Variants in PHF3 observed in about 807,000 individuals in gnomAD.
The protein encoded by PHF3 is PHD finger protein 3.
Under a neutral mutation model 178.4 loss-of-function variants are expected in PHF3, and 41 were observed. The observed-to-expected ratio is 0.23, with a 90% CI of 0.18 to 0.30. The LOEUF is 0.30. Ranked by LOEUF, PHF3 falls within the 10% of genes least tolerant of loss-of-function variation. The pLI is 1.00. For synonymous variants in PHF3, 842 were observed against 800.5 expected (o/e 1.05, Z -0.88); for missense variants, 2,346 against 2,398.1 (o/e 0.98, Z 0.45).
chr6:63,668,916 C>A (rs1262074024), intron 2 of PHF3, among the ~76,000 whole-genome samples: 2 of 152,076 alleles, frequency 1.3e-5, no homozygotes, highest in African/African-American at 2.4e-5. Context: ...TAATTACAAT[C>A]AATTTCAGTA....
rs1768489467 is a variant in PHF3 at position 63,723,520 on chromosome 6, A to C, written c.*9812A>C. Among the ~76,000 whole-genome samples the C allele has an allele frequency of 6.6e-6, 1 of 152,144 alleles. No homozygotes were observed. Among genetic ancestry groups the C allele is most frequent in the Non-Finnish European group, 1.5e-5 (1 of 68,024 alleles). On this transcript the variant is annotated 3_prime_UTR_variant, in exon 16 of 16. Coordinates refer to ENST00000262043, the MANE Select transcript of PHF3 (RefSeq NM_001370348.2). ...ATAGTGAAGAGCTACATTAGAATAA[A>C]AAATATCTAAGAAATGATTAGGAAA...
At position 63,721,592 on chromosome 6, in the gene PHF3, A is replaced by T; in HGVS notation, c.*7884A>T. On this transcript the variant is annotated 3_prime_UTR_variant, in exon 16 of 16. Coordinates refer to ENST00000262043, the MANE Select transcript of PHF3 (RefSeq NM_001370348.2). ...AGAAGTCTGTATTTGTGTCCAGAGAACTCATTTTAGTGGAGGCCTTTTCTG... is the reference window on the plus strand; with the variant it reads ...AGAAGTCTGTATTTGTGTCCAGAGATCTCATTTTAGTGGAGGCCTTTTCTG... 6.4e-7 allele frequency: 1 copy of T among 1,551,262 alleles called. No individual in the cohort carries two copies. Among genetic ancestry groups the T allele is most frequent in the Non-Finnish European group, 8.7e-7 (1 of 1,146,554 alleles).
intron 2 of PHF3, among the ~76,000 whole-genome samples, chr6:63,679,311 A>G (rs1268291946): frequency 2.0e-5 from 3 of 152,076 alleles, no homozygotes; most frequent in Non-Finnish European, 2.9e-5. Flanking sequence ...GTCTTTTTAC[A>G]TTCTTTCTCC....
intron 2 of PHF3, among the ~76,000 whole-genome samples, chr6:63,664,079 A>G (rs1765580176): frequency 6.6e-6 from 1 of 152,172 alleles, no homozygotes; most frequent in Admixed American, 6.5e-5. Context: ...TAAATGAGGG[A>G]GAATGGCTGA....
chr6:63,690,255 A>C (rs1015871695), intron 4 of PHF3, among the ~76,000 whole-genome samples: 8 of 152,144 alleles, frequency 5.3e-5, no homozygotes, highest in Admixed American at 6.5e-5. Context: ...TTTAAACCAA[A>C]TTAATCCCTA....
chr6:63,651,849 C>T (rs924613580), intron 2 of PHF3, among the ~76,000 whole-genome samples: 3 of 152,134 alleles, frequency 2.0e-5, no homozygotes, highest in African/African-American at 7.2e-5. Context: ...TGTCCTAGAG[C>T]TCATCTGTGT....
intron 2 of PHF3, among the ~76,000 whole-genome samples, chr6:63,671,955 C>T (rs931100126): frequency 9.9e-5 from 15 of 152,118 alleles, no homozygotes; most frequent in Non-Finnish European, 2.2e-4. Flanking sequence ...CCATGTTGGC[C>T]AGGATGGTCT....
At chr6:63,691,060 C>G (rs1488757016) in intron 4 of PHF3, among the ~76,000 whole-genome samples, 3 of 152,078 alleles carry the variant, frequency 2.0e-5, no homozygotes, top group African/African-American at 7.2e-5. Flanking sequence ...AGAAATTTAT[C>G]TAAAACACAT....
In PHF3 at chr6:63,680,082, A is replaced by G. The variant is rs1766361961; in HGVS notation, c.327A>G (p.Leu109=). Residue 109 remains leucine, a synonymous_variant, in exon 3 of 16, where the codon TTA becomes TTG. Transcript: ENST00000262043. ...NDTIDEEELI[L]PNRNLRDKVE... is the part of the protein sequence containing the mutation. ...CCATTGATGAAGAAGAACTGATTTT[A>G]CCTAACAGGAACTTAAGGGACAAGG... The G allele has an allele frequency of 1.2e-6, 2 of 1,612,842 alleles. No individual in the cohort carries two copies. Among genetic ancestry groups the G allele is most frequent in the South Asian group, 1.1e-5 (1 of 90,964 alleles).
At chr6:63,709,595 T>A (rs1443401845) in intron 14 of PHF3, among the ~76,000 whole-genome samples, 1 of 152,126 alleles carries the variant, frequency 6.6e-6, no homozygotes, top group African/African-American at 2.4e-5. Flanking sequence ...GAATCTAAAA[T>A]ATAGTGACTC....
chr6:63,706,329 T>C (rs991617523), intron 12 of PHF3, 105 bp downstream of exon 12: 59 of 789,050 alleles, frequency 7.5e-5, no homozygotes, highest in Non-Finnish European at 1.1e-4. Context: ...GAACCTCTCA[T>C]TTGAGAAAAT....
At position 63,684,378 on chromosome 6, in the gene PHF3, A is replaced by G. The variant is rs1353653294; in HGVS notation, c.656A>G (p.His219Arg). ...CCTGAAGTATCAGTGTCTTCAAGTC[A>G]TTCTTCAGTGTCATCTTGTCTTGAA... The part of the protein sequence containing the change: ...VVPEVSVSSS[H>R]SSVSSCLEMK... Residue 219 changes from histidine (H) to arginine (R), a missense_variant, in exon 4 of 16, where the codon CAT becomes CGT. This residue lies in a region of PHF3 where 843 missense variants were observed against 795.2 expected (regional missense o/e 1.06). Transcript: ENST00000262043. 2 of 1,614,026 alleles carry G rather than the reference A, an allele frequency of 1.2e-6. No individual in the cohort carries two copies. Among genetic ancestry groups the G allele is most frequent in the South Asian group, 1.1e-5 (1 of 91,086 alleles).
intron 1 of PHF3, among the ~76,000 whole-genome samples, chr6:63,637,805 G>A (rs1764410132): frequency 1.3e-5 from 2 of 152,110 alleles, no homozygotes; most frequent in South Asian, 2.1e-4. Flanking sequence ...TACAACTTTA[G>A]ATTTTAAGCT....
In PHF3 at chr6:63,662,691, G is replaced by GT. The variant is rs201936429; in HGVS notation, c.244+15903dup. Among the ~76,000 whole-genome samples, 676 of 152,186 alleles carry GT rather than the reference G, an allele frequency of 4.4e-3. 4 individuals carry two copies. Among genetic ancestry groups the GT allele is most frequent in the Non-Finnish European group, 7.3e-3 (497 of 68,002 alleles). On this transcript the variant is annotated intron_variant, in intron 2 of 15. Transcript: ENST00000262043. ...CCCTAATTTTGGTCTTTGGTCATAG[G>GT]TTTTTTTATCATGTCTTTAAGTGAA...
At chr6:63,637,965 G>T (rs1005299764) in intron 1 of PHF3, among the ~76,000 whole-genome samples, 3 of 152,060 alleles carry the variant, frequency 2.0e-5, no homozygotes, top group Non-Finnish European at 2.9e-5. Flanking sequence ...GCATACACGT[G>T]AATTATGCAT....
intron 3 of PHF3, 101 bp downstream of exon 3, chr6:63,680,262 T>C: frequency 3.7e-6 from 4 of 1,074,212 alleles, no homozygotes; most frequent in Non-Finnish European, 5.3e-6. Flanking sequence ...CTTGATGTTT[T>C]GCTAATCCAT....
At chr6:63,662,798 T>C (rs1274005308) in intron 2 of PHF3, among the ~76,000 whole-genome samples, 1 of 152,246 alleles carries the variant, frequency 6.6e-6, no homozygotes, top group Non-Finnish European at 1.5e-5. Flanking sequence ...CATGGAAGTT[T>C]CCTGAAGTAT....
chr6:63,665,346 A>G (rs1765632802), intron 2 of PHF3, among the ~76,000 whole-genome samples: 1 of 152,228 alleles, frequency 6.6e-6, no homozygotes, highest in African/African-American at 2.4e-5. Context: ...TTGTAAACCA[A>G]AAATGTGTAA....
chr6:63,709,126 C>CT, intron 13 of PHF3, 25 bp from the exon 14 acceptor site: 1 of 1,137,278 alleles, frequency 8.8e-7, no homozygotes. Context: ...ATATATTGAT[C>CT]TCTTTTTTTT....
Sources: allele counts gnomAD v4.1 joint callset (sites outside exome capture counted in the v4.1 genomes callset), GRCh38; gene constraint gnomAD v4.1.1; regional missense constraint gnomAD v4.1.1; transcripts MANE v1.5; gene names NCBI Gene and HGNC (gene_info 2026-07-23, HGNC 2026-07-21).